GALNTL6: variants seen among roughly 807,000 people sequenced by gnomAD.
GALNTL6 encodes the protein polypeptide N-acetylgalactosaminyltransferase-like 6.
A neutral mutation model predicts 73.7 loss-of-function variants in GALNTL6; 46 were observed. The ratio of observed to expected loss-of-function variants is 0.62; its 90% confidence interval spans 0.49 to 0.80. The LOEUF (loss-of-function observed/expected upper bound fraction) is 0.80. Ranked by LOEUF, GALNTL6 falls within the 30% of genes least tolerant of loss-of-function variation. The pLI is 0.00. For missense variants in GALNTL6, 604 were observed against 755.0 expected (o/e 0.80, Z 2.34); for synonymous variants, 259 against 263.7 (o/e 0.98, Z 0.17).
At chr4:172,727,544 A>G (rs1735891022) in intron 5 of GALNTL6, among the ~76,000 whole-genome samples, 1 of 152,218 alleles carries the variant, frequency 6.6e-6, no homozygotes, top group Admixed American at 6.5e-5. Flanking sequence ...GAAAGCAGGA[A>G]AATTGGTAAT....
rs1236451807 is a variant in GALNTL6, at chr4:172,820,637, A to C, written c.923+6914A>C. On this transcript the variant is annotated intron_variant, in intron 7 of 12. Transcript: ENST00000506823. ...TTCATTCTCCCTTTTATTCTCTCCCATCCCTATTAGGACAACTCCAGAGCC... is the reference window on the plus strand; with the variant it reads ...TTCATTCTCCCTTTTATTCTCTCCCCTCCCTATTAGGACAACTCCAGAGCC... Among the ~76,000 whole-genome samples, 14 of 152,198 alleles carry C rather than the reference A, an allele frequency of 9.2e-5. No individual in the cohort carries two copies. The East Asian group carries it at 2.5e-3, about 27-fold the overall frequency.
intron 4 of GALNTL6, among the ~76,000 whole-genome samples, chr4:172,339,243 A>AAC (rs1295813751): frequency 7.2e-6 from 1 of 138,320 alleles, no homozygotes. Flanking sequence ...GCACCCAGCA[A>AAC]ACACACACAC....
intron 2 of GALNTL6, among the ~76,000 whole-genome samples, chr4:171,934,258 T>C (rs1043422555): frequency 2.0e-5 from 3 of 152,184 alleles, no homozygotes; most frequent in African/African-American, 7.2e-5. Flanking sequence ...TGTAAATATT[T>C]AGGGGACATT....
At chr4:172,514,556 G>C (rs1734534866) in intron 5 of GALNTL6, among the ~76,000 whole-genome samples, 1 of 152,132 alleles carries the variant, frequency 6.6e-6, no homozygotes, top group Admixed American at 6.5e-5. Context: ...CCCTACTATG[G>C]CTTCTGTGCT....
intron 8 of GALNTL6, among the ~76,000 whole-genome samples, chr4:172,901,392 T>A (rs550965921): frequency 6.6e-6 from 1 of 152,202 alleles, no homozygotes; most frequent in East Asian, 1.9e-4. Flanking sequence ...AAATCAAACA[T>A]CTGCATTTTG....
chr4:172,758,377 A>C (rs965465806), intron 5 of GALNTL6, among the ~76,000 whole-genome samples: 1 of 152,116 alleles, frequency 6.6e-6, no homozygotes, highest in Non-Finnish European at 1.5e-5. Flanking sequence ...TCTACTAAAA[A>C]CACAAAAAAT....
intron 3 of GALNTL6, among the ~76,000 whole-genome samples, chr4:172,229,997 T>C (rs762078720): frequency 1.3e-5 from 2 of 152,126 alleles, no homozygotes; most frequent in Non-Finnish European, 1.5e-5. Flanking sequence ...TTAAGAAATA[T>C]ATAGTACTAT....
intron 2 of GALNTL6, among the ~76,000 whole-genome samples, chr4:172,169,028 A>T (rs772730900): frequency 2.0e-4 from 31 of 152,284 alleles, no homozygotes; most frequent in Non-Finnish European, 4.1e-4. Flanking sequence ...TTCCTCTCTT[A>T]AGTTAGTTTA....
chr4:172,032,427 A>G (rs1243339925), intron 2 of GALNTL6, among the ~76,000 whole-genome samples: 1 of 152,126 alleles, frequency 6.6e-6, no homozygotes. Flanking sequence ...ATTTTATTAA[A>G]TAATGCTAAA....
chr4:171,926,802 T>C (rs1055346860), intron 2 of GALNTL6, among the ~76,000 whole-genome samples: 3 of 152,176 alleles, frequency 2.0e-5, no homozygotes, highest in Admixed American at 1.3e-4. Context: ...TGTTGAGATA[T>C]ATGTTTTCCT....
intron 5 of GALNTL6, among the ~76,000 whole-genome samples, chr4:172,654,837 T>C (rs1198001999): frequency 6.6e-6 from 1 of 152,236 alleles, no homozygotes; most frequent in Admixed American, 6.5e-5. Context: ...CTTAGAATTA[T>C]AGTAATAATA....
chr4:172,519,305 A>C (rs575990931), intron 5 of GALNTL6, among the ~76,000 whole-genome samples: 42 of 151,212 alleles, frequency 2.8e-4, no homozygotes, highest in African/African-American at 9.9e-4. Flanking sequence ...GTGATAAATA[A>C]GCATAGAATA....
intron 2 of GALNTL6, among the ~76,000 whole-genome samples, chr4:172,209,736 T>G (rs1177356979): frequency 6.6e-6 from 1 of 152,092 alleles, no homozygotes; most frequent in Non-Finnish European, 1.5e-5. Context: ...TTTAATAAAC[T>G]GAGGCTAGAG....
chr4:172,711,720 G>T lies in GALNTL6; in HGVS notation c.554-97641G>T, dbSNP rs575762568. Among the ~76,000 whole-genome samples, 16 of 152,316 alleles carry T rather than the reference G, an allele frequency of 1.1e-4. No individual in the cohort carries two copies. In the East Asian group the frequency reaches 3.1e-3, roughly 29 times the overall value. On this transcript the variant is annotated intron_variant, in intron 5 of 12. Transcript: ENST00000506823. ...ATTTCCAAGTAGATGTGCTGAGTGG[G>T]TAGTTACAGGTATGCAGATGGACTT... is the stretch of plus-strand genomic sequence containing the variant.
chr4:172,985,254 C>G (rs1361242581), intron 10 of GALNTL6, among the ~76,000 whole-genome samples: 1 of 151,862 alleles, frequency 6.6e-6, no homozygotes, highest in African/African-American at 2.4e-5. Flanking sequence ...TTAAACATGA[C>G]CTGCAAAAAG....
intron 3 of GALNTL6, among the ~76,000 whole-genome samples, chr4:172,290,426 A>G (rs1351238873): frequency 1.3e-5 from 2 of 152,054 alleles, no homozygotes. Flanking sequence ...TCTTAGCTTT[A>G]CTTATATTTT....
rs564502714 is a variant in GALNTL6, at chr4:172,171,929, C to T, written c.139-57727C>T. On this transcript the variant is annotated intron_variant, in intron 2 of 12. Coordinates refer to ENST00000506823, the MANE Select transcript of GALNTL6 (RefSeq NM_001034845.3). ...TTGTAGCCATCCATGTAGCCCAGCTCAGAAGCAACACTCCATTGGGTGGTA... is the reference window on the plus strand; with the variant it reads ...TTGTAGCCATCCATGTAGCCCAGCTTAGAAGCAACACTCCATTGGGTGGTA... 1.1e-4 allele frequency among the ~76,000 whole-genome samples: 16 copies of T among 152,274 alleles called. No individual in the cohort carries two copies. In the South Asian group the frequency reaches 3.3e-3, roughly 32 times the overall value.
At chr4:172,156,529 C>CAT (rs1316277141) in intron 2 of GALNTL6, among the ~76,000 whole-genome samples, 5 of 71,616 alleles carry the variant, frequency 7.0e-5, no homozygotes, top group Admixed American at 6.3e-4. Flanking sequence ...TTTAAATATA[C>CAT]ATATATATAT....
At chr4:172,134,526 G>A (rs1733586453) in intron 2 of GALNTL6, among the ~76,000 whole-genome samples, 1 of 152,132 alleles carries the variant, frequency 6.6e-6, no homozygotes. Context: ...TTAAACAACT[G>A]GGTAGAAGAG....
Sources: allele counts gnomAD v4.1 joint callset (sites outside exome capture counted in the v4.1 genomes callset), GRCh38; gene constraint gnomAD v4.1.1; transcripts MANE v1.5; gene names NCBI Gene and HGNC (gene_info 2026-07-23, HGNC 2026-07-21).